The following SUPT20H variants were observed in gnomAD, a reference collection of about 807,000 sequenced individuals.
SUPT20H encodes transcription factor SPT20 homolog.
In SUPT20H, 82 loss-of-function variants were observed where a neutral mutation model predicts 122.8. That is an observed-to-expected ratio of 0.67 (90% CI 0.56 to 0.80). The LOEUF (loss-of-function observed/expected upper bound fraction) is 0.80. Among genes scored for constraint, SUPT20H ranks in the 30% least tolerant of loss-of-function variants. SUPT20H has a pLI of 0.00. For synonymous variants in SUPT20H, 291 were observed against 313.0 expected (o/e 0.93, Z 0.74); for missense variants, 831 against 921.6 (o/e 0.90, Z 1.27).
At chr13:37,036,960 C>T (rs1392062454) in intron 9 of SUPT20H, among the ~76,000 whole-genome samples, 5 of 151,826 alleles carry the variant, frequency 3.3e-5, no homozygotes, top group Admixed American at 1.3e-4. Flanking sequence ...TTTGGGAGTC[C>T]GAGGCGGGCA....
chr13:37,038,741 T>G (rs1370578978), intron 9 of SUPT20H: 1 of 152,214 alleles, frequency 6.6e-6, no homozygotes, highest in Non-Finnish European at 1.5e-5. Flanking sequence ...AAACTATACA[T>G]AGGTTTCAAA....
At chr13:37,036,742 GGCC>G in intron 9 of SUPT20H, among the ~76,000 whole-genome samples, 1 of 151,558 alleles carries the variant, frequency 6.6e-6, no homozygotes, top group East Asian at 1.9e-4. Context: ...CCTCCTCCTT[GGCC>G]TACTCAATGT....
rs372619491 is a variant in SUPT20H at position 37,031,257 on chromosome 13, G to T, written c.921+310C>A. On this transcript the variant is annotated intron_variant, in intron 12 of 25. Transcript: ENST00000350612. ...ATTATCAAAAAAAGAGAGATTTCAC[G>T]TGATTATGTAATATACACTGTATTT... Among the ~76,000 whole-genome samples the T allele has an allele frequency of 3.9e-5, 6 of 151,966 alleles. No homozygotes were observed. In the East Asian group the frequency reaches 5.8e-4, roughly 15 times the overall value.
At chr13:37,033,312 G>T in intron 10 of SUPT20H, 137 bp downstream of exon 10, 1 of 1,056,926 alleles carries the variant, frequency 9.5e-7, no homozygotes, top group Non-Finnish European at 1.3e-6. Flanking sequence ...ACTAGCCTGG[G>T]CAACAAAGAG....
intron 2 of SUPT20H, among the ~76,000 whole-genome samples, chr13:37,051,107 C>T (rs779456565): frequency 2.0e-5 from 3 of 152,236 alleles, no homozygotes; most frequent in East Asian, 3.9e-4. Context: ...TAGCAGGTTA[C>T]ATTTGTTTTT....
chr13:37,039,795 A>G (rs938757780), intron 9 of SUPT20H: 4 of 152,124 alleles, frequency 2.6e-5, no homozygotes, highest in Non-Finnish European at 5.9e-5. Context: ...AGTTCCCAGG[A>G]CCCTCAGTTC....
chr13:37,025,459 G>A (rs1225804799), intron 16 of SUPT20H, 22 bp from the exon 17 acceptor site: 6 of 1,540,690 alleles, frequency 3.9e-6, no homozygotes, highest in Non-Finnish European at 5.3e-6. Flanking sequence ...GGAGAAAACA[G>A]GTAAAGATTA....
In SUPT20H at chr13:37,019,415, T is replaced by C; in HGVS notation, c.1817-18A>G. ...TGGAACACCTGTTAAATAAAACTCA[T>C]GGTTATAACAGAATTGAAAGTTTAT... On this transcript the variant is annotated intron_variant, in intron 21 of 25. Transcript: ENST00000350612. The C allele has an allele frequency of 6.4e-7, 1 of 1,570,894 alleles. No individual in the cohort carries two copies. The highest frequency in any genetic ancestry group is 8.6e-7 in the Non-Finnish European group (1 of 1,156,668).
chr13:37,030,783 C>T (rs563899675), intron 12 of SUPT20H, among the ~76,000 whole-genome samples: 1 of 152,296 alleles, frequency 6.6e-6, no homozygotes, highest in East Asian at 1.9e-4. Context: ...TATTATCAGG[C>T]CATGTTCCTT....
intron 1 of SUPT20H, 24 bp from the exon 2 acceptor site, chr13:37,051,607 C>T (rs1310764966): frequency 1.0e-5 from 8 of 776,146 alleles, no homozygotes; most frequent in African/African-American, 3.6e-5. Flanking sequence ...ACAATAAAAC[C>T]CCAATATTAA....
At position 37,028,188 on chromosome 13, in the gene SUPT20H, T is replaced by C. The variant is rs1273324212; in HGVS notation, c.1111A>G (p.Lys371Glu). Residue 371 changes from lysine (K) to glutamate (E), a missense_variant, in exon 14 of 26, where the codon AAA (lysine) becomes GAA (glutamate). Coordinates refer to ENST00000350612, the MANE Select transcript of SUPT20H (RefSeq NM_001014286.3). ...TGGCTGTCACTTTCTTCATCTGCTTTACATGGCTGTATTTTACCATAGTAA... is the reference window on the plus strand; with the variant it reads ...TGGCTGTCACTTTCTTCATCTGCTTCACATGGCTGTATTTTACCATAGTAA... Reference protein sequence around the residue: ...PLYYGKIQPCKADEESDSQMS... With the variant: ...PLYYGKIQPCEADEESDSQMS... 6.2e-7 allele frequency: 1 copy of C among 1,613,160 alleles called. No homozygotes were observed. Among genetic ancestry groups the C allele is most frequent in the Non-Finnish European group, 8.5e-7 (1 of 1,179,656 alleles).
chr13:37,029,908 T>C (rs2062999321), intron 12 of SUPT20H, 72 bp from the exon 13 acceptor site: 1 of 1,231,236 alleles, frequency 8.1e-7, no homozygotes, highest in South Asian at 1.5e-5. Context: ...AGTATTCTGA[T>C]CAAAGAGAAG....
At chr13:37,025,211 G>A (rs2062043857) in intron 17 of SUPT20H, 109 bp downstream of exon 17, 4 of 952,770 alleles carry the variant, frequency 4.2e-6, no homozygotes, top group South Asian at 2.6e-5. Flanking sequence ...CAAAGTGTTG[G>A]GATTACAGGC....
intron 10 of SUPT20H, among the ~76,000 whole-genome samples, chr13:37,032,908 G>A (rs114501144): frequency 0.022 from 3,300 of 152,162 alleles, 118 homozygotes; most frequent in African/African-American, 0.075. Flanking sequence ...TAAAAACTAT[G>A]ATCATATTTT....
At position 37,025,371 on chromosome 13, in the gene SUPT20H, G is replaced by A. The variant is rs1290500313; in HGVS notation, c.1278C>T (p.Ser426=). ...EAKCPVKMSH[S]SSGSASLSQV... ...GACTCAGACTGGCTGAGCCACTGGA[G>A]CTGTGTGACATCTTGACCGGACATT... The change falls in exon 17 of 26, where the codon AGC becomes AGT. Residue 426 remains serine (S), a synonymous_variant. Transcript: ENST00000350612. The A allele has an allele frequency of 6.2e-7, 1 of 1,613,888 alleles. No individual in the cohort carries two copies. The highest frequency in any genetic ancestry group is 8.5e-7 in the Non-Finnish European group (1 of 1,179,918).
At chr13:37,049,851 T>A (rs2067288832) in intron 2 of SUPT20H, among the ~76,000 whole-genome samples, 1 of 152,236 alleles carries the variant, frequency 6.6e-6, no homozygotes, top group Non-Finnish European at 1.5e-5. Flanking sequence ...TAGTCATTTT[T>A]AAATTTTATT....
At chr13:37,051,415 C>CAAA (rs2067657830) in intron 2 of SUPT20H, 73 bp downstream of exon 2, 4 of 1,466,160 alleles carry the variant, frequency 2.7e-6, no homozygotes, top group Non-Finnish European at 3.8e-6. Context: ...ATCTACCATA[C>CAAA]AAATATCTTT....
At chr13:37,017,819 G>C (rs1300709150) in intron 22 of SUPT20H, among the ~76,000 whole-genome samples, 1 of 152,010 alleles carries the variant, frequency 6.6e-6, no homozygotes, top group Non-Finnish European at 1.5e-5. Context: ...AACACAGTGA[G>C]GAATTTCAAA....
chr13:37,021,717 G>T (rs1046829853), intron 20 of SUPT20H, 115 bp from the exon 21 acceptor site: 2 of 1,187,930 alleles, frequency 1.7e-6, no homozygotes, highest in African/African-American at 1.6e-5. Context: ...TTATTTATCT[G>T]TCTTAAATAT....
Sources: allele counts gnomAD v4.1 joint callset (sites outside exome capture counted in the v4.1 genomes callset), GRCh38; gene constraint gnomAD v4.1.1; transcripts MANE v1.5; gene names NCBI Gene and HGNC (gene_info 2026-07-23, HGNC 2026-07-21).